The following ARL2 variants were observed in gnomAD, a reference collection of about 807,000 sequenced individuals.
ARL2 encodes ADP-ribosylation factor-like protein 2.
ARL2 carries 11 observed loss-of-function variants against 22.0 expected under a neutral mutation model. The ratio of observed to expected loss-of-function variants is 0.50; its 90% CI spans 0.31 to 0.83. ARL2 has a LOEUF of 0.83. Ranked by LOEUF, ARL2 falls within the 40% of genes least tolerant of loss-of-function variation. ARL2 has a pLI of 0.04. For missense variants in ARL2, 216 were observed against 243.2 expected (o/e 0.89, Z 0.74); for synonymous variants, 111 against 100.8 (o/e 1.10, Z -0.61).
intron 1 of ARL2, among the ~76,000 whole-genome samples, chr11:65,016,466 A>G (rs952895009): frequency 3.3e-5 from 5 of 152,034 alleles, no homozygotes; most frequent in Admixed American, 3.3e-4. Context: ...GAGAGAAGGA[A>G]TCGCAGACCA....
In ARL2 at chr11:65,018,280, A is replaced by G; in HGVS notation, c.66-84A>G. 9.0e-7 allele frequency: 1 copy of G among 1,110,378 alleles called. No homozygotes were observed. Among genetic ancestry groups the G allele is most frequent in the Non-Finnish European group, 1.3e-6 (1 of 767,990 alleles). The allele number at this position is 1,110,378 out of a possible 1,614,324, so 68.8% of individuals were successfully genotyped here. ...CAACTCAGTTTGATACATGGTGGGAAATAATGAGTCCCCTAAGGGGCTCTG... is the reference window on the plus strand; with the variant it reads ...CAACTCAGTTTGATACATGGTGGGAGATAATGAGTCCCCTAAGGGGCTCTG... On this transcript the variant is annotated intron_variant, in intron 1 of 4. Coordinates refer to ENST00000246747, the MANE Select transcript of ARL2 (RefSeq NM_001667.4). The surrounding 1 kb of genome is among the most constrained non-coding windows in gnomAD (Gnocchi z 4.2).
chr11:65,015,668 C>T (rs561698436), intron 1 of ARL2, among the ~76,000 whole-genome samples: 1 of 152,192 alleles, frequency 6.6e-6, no homozygotes, highest in African/African-American at 2.4e-5. Flanking sequence ...CACCTGTAAC[C>T]CTAGCACTTT....
intron 1 of ARL2, among the ~76,000 whole-genome samples, chr11:65,017,048 G>A (rs1016033009): frequency 1.3e-5 from 2 of 152,184 alleles, no homozygotes; most frequent in African/African-American, 2.4e-5. Context: ...GGCCACAGCA[G>A]CAGCAAAAGC....
At position 65,018,909 on chromosome 11, in the gene ARL2, T is replaced by C. The variant is rs1374062980; in HGVS notation, c.339+176T>C. Reference sequence around the variant, plus strand: ...GCAGGACACATGCTGTGGACTGAGATTGAGTTAACGTCCCTGTGGTGTTAC... The same window carrying C: ...GCAGGACACATGCTGTGGACTGAGACTGAGTTAACGTCCCTGTGGTGTTAC... On this transcript the variant is annotated intron_variant, in intron 3 of 4. Transcript: ENST00000246747. This position sits in a 1 kb window ranked among gnomAD's most constrained non-coding sequence, Gnocchi z 4.2. 2.0e-6 allele frequency: 3 copies of C among 1,533,134 alleles called. No individual in the cohort carries two copies. Among genetic ancestry groups the C allele is most frequent in the Non-Finnish European group, 2.6e-6 (3 of 1,145,516 alleles). The allele number at this position is 1,533,134 out of a possible 1,614,324, so 95.0% of individuals were successfully genotyped here.
In ARL2 at chr11:65,018,561, C is replaced by T. The variant is rs906537666; in HGVS notation, c.177-10C>T. The T allele has an allele frequency of 5.6e-6, 9 of 1,606,330 alleles. No individual in the cohort carries two copies. The highest frequency in any genetic ancestry group is 7.7e-6 in the Non-Finnish European group (9 of 1,176,106). Reference sequence around the variant, plus strand: ...CCAGCTGACCCTCCTGTCACCCGCTCCTTGCCCAGATTCAAGCTGAACATC... The same window carrying T: ...CCAGCTGACCCTCCTGTCACCCGCTTCTTGCCCAGATTCAAGCTGAACATC... On this transcript the variant is annotated splice_polypyrimidine_tract_variant and intron_variant, in intron 2 of 4. Coordinates refer to ENST00000246747, the MANE Select transcript of ARL2 (RefSeq NM_001667.4). This position sits in a 1 kb window ranked among gnomAD's most constrained non-coding sequence, Gnocchi z 4.2.
rs570221663 is a variant in ARL2, at chr11:65,018,558, G to A, written c.177-13G>A. Reference sequence around the variant, plus strand: ...GGCCCAGCTGACCCTCCTGTCACCCGCTCCTTGCCCAGATTCAAGCTGAAC... The same window carrying A: ...GGCCCAGCTGACCCTCCTGTCACCCACTCCTTGCCCAGATTCAAGCTGAAC... On this transcript the variant is annotated splice_polypyrimidine_tract_variant and intron_variant, in intron 2 of 4. Coordinates refer to ENST00000246747, the MANE Select transcript of ARL2 (RefSeq NM_001667.4). This position sits in a 1 kb window ranked among gnomAD's most constrained non-coding sequence, Gnocchi z 4.2. 8 of 1,604,728 alleles carry A rather than the reference G, an allele frequency of 5.0e-6. No homozygotes were observed. Among genetic ancestry groups the A allele is most frequent in the Non-Finnish European group, 6.0e-6 (7 of 1,175,256 alleles).
chr11:65,020,367 G>T (rs1946312768), intron 3 of ARL2, 52 bp from the exon 4 acceptor site: 4 of 1,473,172 alleles, frequency 2.7e-6, no homozygotes, highest in South Asian at 1.2e-5. Flanking sequence ...TAGAGGAGGG[G>T]TCAGGCTGTC....
chr11:65,021,208 TAGAC>T (rs1946323744), intron 4 of ARL2, among the ~76,000 whole-genome samples: 1 of 152,218 alleles, frequency 6.6e-6, no homozygotes, highest in African/African-American at 2.4e-5. Flanking sequence ...AGCCACTAAA[TAGAC>T]AGGAAGCCTG....
chr11:65,021,421 T>G, intron 4 of ARL2: 1 of 333,850 alleles, frequency 3.0e-6, no homozygotes. Flanking sequence ...TTGAGGAGAA[T>G]GAGTGAGAGA....
intron 1 of ARL2, among the ~76,000 whole-genome samples, chr11:65,017,390 T>G (rs1946270632): frequency 6.6e-6 from 1 of 152,038 alleles, no homozygotes; most frequent in Non-Finnish European, 1.5e-5. Flanking sequence ...GAGATGGGGT[T>G]TCACCTTGTT....
At position 65,021,583 on chromosome 11, in the gene ARL2, G is replaced by A. The variant is rs1262742748; in HGVS notation, c.421-138G>A. ...CTGACAAACTCTCCCTGGGACCGGC[G>A]GGGCTTCCTGGATGGGATGACATGG... On this transcript the variant is annotated intron_variant, in intron 4 of 4. Coordinates refer to ENST00000246747, the MANE Select transcript of ARL2 (RefSeq NM_001667.4). 1.4e-5 allele frequency: 16 copies of A among 1,140,330 alleles called. 1 individual carries two copies. Among genetic ancestry groups the A allele is most frequent in the South Asian group, 6.6e-5 (4 of 60,514 alleles). The allele number at this position is 1,140,330 out of a possible 1,614,324, so 70.6% of individuals were successfully genotyped here.
chr11:65,018,621 A>G lies in ARL2; in HGVS notation c.227A>G (p.Tyr76Cys), dbSNP rs772153074. Residue 76 changes from tyrosine to cysteine, a missense_variant, in exon 3 of 5, where the codon TAC becomes TGC. Physicochemically the swap from Tyr to Cys is radical, Grantham distance 194. Coordinates refer to ENST00000246747, the MANE Select transcript of ARL2 (RefSeq NM_001667.4). The surrounding 1 kb of genome is among the most constrained non-coding windows in gnomAD (Gnocchi z 4.2). ...GGTGGCCAGAAGTCCCTGCGGTCCTACTGGCGGAACTACTTTGAGAGCACC... is the reference window on the plus strand; with the variant it reads ...GGTGGCCAGAAGTCCCTGCGGTCCTGCTGGCGGAACTACTTTGAGAGCACC... The part of the protein sequence containing the change: ...DVGGQKSLRS[Y>C]WRNYFESTDG... 2.5e-6 allele frequency: 4 copies of G among 1,613,764 alleles called. No homozygotes were observed. Among genetic ancestry groups the G allele is most frequent in the Non-Finnish European group, 2.5e-6 (3 of 1,179,860 alleles).
In ARL2 at chr11:65,022,128, C is replaced by T. The variant is rs1219512470; in HGVS notation, c.*273C>T. ...GGGGAGGAGCTGCTACTGCTGCTAC[C>T]GAGGCTGTGGGCCTCATCCTTCACT... is the stretch of plus-strand genomic sequence containing the variant. On this transcript the variant is annotated 3_prime_UTR_variant, in exon 5 of 5. Transcript: ENST00000246747. 1.7e-5 allele frequency: 8 copies of T among 484,628 alleles called. No homozygotes were observed. Among genetic ancestry groups the T allele is most frequent in the East Asian group, 6.9e-5 (2 of 29,146 alleles). 30.0% of individuals were successfully genotyped at this position (484,628 alleles called of 1,614,324 possible). A position where few individuals can be genotyped will look rare whatever the true frequency, so the allele number is the denominator to read the frequency against.
chr11:65,017,323 G>A (rs905541237), intron 1 of ARL2, among the ~76,000 whole-genome samples: 2 of 151,722 alleles, frequency 1.3e-5, no homozygotes, highest in Admixed American at 6.6e-5. Flanking sequence ...AGCCTCCCGA[G>A]TAGCTGGGAC....
In ARL2 at chr11:65,014,230, A is replaced by G. The variant is rs867567492; in HGVS notation, c.23A>G (p.Lys8Arg). Residue 8 changes from lysine (K) to arginine (R), a missense_variant, in exon 1 of 5, where the codon AAG (lysine) becomes AGG (arginine). By Grantham distance (26) the Lys-to-Arg change is conservative. Coordinates refer to ENST00000246747, the MANE Select transcript of ARL2 (RefSeq NM_001667.4). ...ACCATGGGGCTCCTGACCATTCTGA[A>G]GAAGATGAAGCAGAAAGAGCGGGAG... MGLLTIL[K>R]KMKQKERELR... is the part of the protein sequence containing the mutation. 1.9e-6 allele frequency: 3 copies of G among 1,574,528 alleles called. No homozygotes were observed. The highest frequency in any genetic ancestry group is 2.6e-6 in the Non-Finnish European group (3 of 1,164,108).
chr11:65,018,681 G>A lies in ARL2; in HGVS notation c.287G>A (p.Arg96His), dbSNP rs150997435. The A allele has an allele frequency of 4.8e-5, 77 of 1,614,188 alleles. No homozygotes were observed. The highest frequency in any genetic ancestry group is 6.2e-5 in the Non-Finnish European group (73 of 1,180,046). Residue 96 changes from arginine to histidine, a missense_variant, in exon 3 of 5, where the codon CGC becomes CAC. Coordinates refer to ENST00000246747, the MANE Select transcript of ARL2 (RefSeq NM_001667.4). The surrounding 1 kb of genome is among the most constrained non-coding windows in gnomAD (Gnocchi z 4.2). ...GLIWVVDSAD[R>H]QRMQDCQREL... ...ATCTGGGTAGTGGACAGCGCAGACCGCCAGCGCATGCAGGACTGCCAGCGG... is the reference window on the plus strand; with the variant it reads ...ATCTGGGTAGTGGACAGCGCAGACCACCAGCGCATGCAGGACTGCCAGCGG...
rs1376746649 is a variant in ARL2 at position 65,021,655 on chromosome 11, A to G, written c.421-66A>G. The G allele has an allele frequency of 4.0e-6, 6 of 1,513,694 alleles. No homozygotes were observed. The African/African-American group carries it at 6.8e-5, about 17-fold the overall frequency. 93.8% of individuals were successfully genotyped at this position (1,513,694 alleles called of 1,614,324 possible). A position where few individuals can be genotyped will look rare whatever the true frequency, so the allele number is the denominator to read the frequency against. On this transcript the variant is annotated intron_variant, in intron 4 of 4. Coordinates refer to ENST00000246747, the MANE Select transcript of ARL2 (RefSeq NM_001667.4). ...TGGAGTTCCTCTGGGCTGGGGAGGG[A>G]AGGGGCTGACGGCAGGCAGGGTCTG...
chr11:65,016,205 TA>T (rs55936282), intron 1 of ARL2, among the ~76,000 whole-genome samples: 11 of 124,886 alleles, frequency 8.8e-5, no homozygotes, highest in African/African-American at 9.4e-5. Flanking sequence ...GAAACTCTGT[TA>T]AAAAAAAAAA....
chr11:65,018,704 C>G lies in ARL2; in HGVS notation c.310C>G (p.Arg104Gly). The change falls in exon 3 of 5, where the codon CGG becomes GGG. Residue 104 changes from arginine (R) to glycine (G), a missense_variant. By Grantham distance (125) the Arg-to-Gly change is moderately radical. Transcript: ENST00000246747. This position sits in a 1 kb window ranked among gnomAD's most constrained non-coding sequence, Gnocchi z 4.2. ...ADRQRMQDCQ[R>G]ELQSLLVEER... is the part of the protein sequence containing the mutation. ...CCGCCAGCGCATGCAGGACTGCCAG[C>G]GGGAGCTCCAGAGCCTGCTGGTGGA... 2 of 1,614,172 alleles carry G rather than the reference C, an allele frequency of 1.2e-6. No individual in the cohort carries two copies. The highest frequency in any genetic ancestry group is 1.7e-6 in the Non-Finnish European group (2 of 1,180,042).
Sources: allele counts gnomAD v4.1 joint callset (sites outside exome capture counted in the v4.1 genomes callset), GRCh38; gene constraint gnomAD v4.1.1; non-coding constraint Gnocchi (gnomAD v3.1); transcripts MANE v1.5; gene names NCBI Gene and HGNC (gene_info 2026-07-23, HGNC 2026-07-21).